Variants in NAT8L observed in about 807,000 individuals in gnomAD.
The protein encoded by NAT8L is N-acetylaspartate synthetase.
A neutral mutation model predicts 21.2 loss-of-function variants in NAT8L; 6 were observed. The ratio of observed to expected loss-of-function variants is 0.28; its 90% CI spans 0.16 to 0.56. NAT8L has a LOEUF of 0.56. Ranked by LOEUF, NAT8L falls within the 20% of genes least tolerant of loss-of-function variation. The pLI, the probability that NAT8L is intolerant of heterozygous loss-of-function variation, is 0.93. For missense variants in NAT8L, 331 were observed against 433.3 expected (o/e 0.76, Z 2.10); for synonymous variants, 239 against 204.9 (o/e 1.17, Z -1.42).
At position 2,064,134 on chromosome 4, in the gene NAT8L, C is replaced by A. The variant is rs1364544377; in HGVS notation, c.*7C>A. On this transcript the variant is annotated 3_prime_UTR_variant, in exon 3 of 3. Transcript: ENST00000423729. ...GCAGCTGCGCGAGGAGTGACCGCCG[C>A]CGCTCGCCCGCCCGCCCCCCCGGCC... is the stretch of plus-strand genomic sequence containing the variant. 6.5e-7 allele frequency: 1 copy of A among 1,536,544 alleles called. No individual in the cohort carries two copies. The highest frequency in any genetic ancestry group is 1.4e-5 in the African/African-American group (1 of 72,780).
chr4:2,063,715 C>T, intron 2 of NAT8L, 45 bp from the exon 3 acceptor site: 1 of 1,604,636 alleles, frequency 6.2e-7, no homozygotes, highest in Non-Finnish European at 8.5e-7. Context: ...AGGGGTCTCC[C>T]CAGCCTTCCT....
In NAT8L at chr4:2,067,747, GT is replaced by G. The variant is rs755957067; in HGVS notation, c.*3622del. The G allele has an allele frequency of 3.9e-5, 6 of 152,296 alleles. No homozygotes were observed. The highest frequency in any genetic ancestry group is 8.8e-5 in the Non-Finnish European group (6 of 68,058). 9.4% of individuals were successfully genotyped at this position (152,296 alleles called of 1,614,324 possible). ...TCAGTGCCCGAGGGACGGTGGGACA[GT>G]TGCCCCTGCGCCAAGGGAGCCCACT... On this transcript the variant is annotated 3_prime_UTR_variant, in exon 3 of 3. Transcript: ENST00000423729.
chr4:2,061,137 C>G lies in NAT8L; in HGVS notation c.516C>G (p.Ile172Met). 2 of 1,611,390 alleles carry G rather than the reference C, an allele frequency of 1.2e-6. No homozygotes were observed. Among genetic ancestry groups the G allele is most frequent in the South Asian group, 2.2e-5 (2 of 91,048 alleles). Residue 172 changes from isoleucine to methionine, a missense_variant, in exon 2 of 3, where the codon ATC becomes ATG. Ile to Met is a conservative substitution (Grantham distance 10). Coordinates refer to ENST00000423729, the MANE Select transcript of NAT8L (RefSeq NM_178557.4). ...ECALHTDMAD[I>M]EQYYMKPPGS... Reference sequence around the variant, plus strand: ...CGCTGCACACGGACATGGCGGACATCGAGCAGTACTACATGAAGCCGCCCG... The same window carrying G: ...CGCTGCACACGGACATGGCGGACATGGAGCAGTACTACATGAAGCCGCCCG...
intron 2 of NAT8L, among the ~76,000 whole-genome samples, 191 bp from the exon 3 acceptor site, chr4:2,063,569 G>T (rs568936300): frequency 6.6e-6 from 1 of 152,320 alleles, no homozygotes; most frequent in East Asian, 1.9e-4. Context: ...CCTGAATAGT[G>T]GCTGCCCCCT....
Position 2,064,036 on chromosome 4 carries a change from A to G in NAT8L, c.818A>G (p.Tyr273Cys), listed in dbSNP as rs1729943497. Residue 273 changes from tyrosine to cysteine, a missense_variant, in exon 3 of 3, where the codon TAC becomes TGC. Physicochemically the swap from Tyr to Cys is radical, Grantham distance 194 (BLOSUM62 -2). Around this residue, in one of 2 missense-constraint regions of NAT8L, gnomAD observed 132 missense variants for 237.1 expected, o/e 0.56. Transcript: ENST00000423729. ...GFRHMGASDH[Y>C]VLPGMTLSLA... Reference sequence around the variant, plus strand: ...AGACACATGGGCGCCAGTGACCACTACGTGCTGCCGGGCATGACCCTCTCG... The same window carrying G: ...AGACACATGGGCGCCAGTGACCACTGCGTGCTGCCGGGCATGACCCTCTCG... The G allele has an allele frequency of 3.7e-6, 6 of 1,611,412 alleles. No homozygotes were observed. Among genetic ancestry groups the G allele is most frequent in the East Asian group, 2.2e-5 (1 of 44,860 alleles).
rs1730012261 is a variant in NAT8L, at chr4:2,066,784, G to A, written c.*2657G>A. On this transcript the variant is annotated 3_prime_UTR_variant, in exon 3 of 3. Coordinates refer to ENST00000423729, the MANE Select transcript of NAT8L (RefSeq NM_178557.4). ...CTCAAACTCTGCGTGGTGAGGCCCG[G>A]GGAAAGCCAGGCCGGGCCCTAGCAC... is the stretch of plus-strand genomic sequence containing the variant. The A allele has an allele frequency of 2.6e-5, 4 of 152,290 alleles. No homozygotes were observed. The highest frequency in any genetic ancestry group is 1.5e-5 in the Non-Finnish European group (1 of 68,076). The allele number at this position is 152,290 out of a possible 1,614,324, so 9.4% of individuals were successfully genotyped here. A position where few individuals can be genotyped will look rare whatever the true frequency, so the allele number is the denominator to read the frequency against.
chr4:2,059,577 G>A lies in NAT8L; in HGVS notation c.66G>A (p.Ala22=). 1 of 990,140 alleles carries A rather than the reference G, an allele frequency of 1.0e-6. No homozygotes were observed. Among genetic ancestry groups the A allele is most frequent in the East Asian group, 1.2e-4 (1 of 8,644 alleles). The allele number at this position is 990,140 out of a possible 1,614,324, so 61.3% of individuals were successfully genotyped here. A position where few individuals can be genotyped will look rare whatever the true frequency, so the allele number is the denominator to read the frequency against. The change falls in exon 1 of 3, where the codon GCG becomes GCA. Residue 22 remains alanine, a synonymous_variant. Coordinates refer to ENST00000423729, the MANE Select transcript of NAT8L (RefSeq NM_178557.4). This position sits in a 1 kb window ranked among gnomAD's most constrained non-coding sequence, Gnocchi z 4.8. ...TCGTGGCCGCCGAGGACCATGAGGC[G>A]CTGCCGGGGGCCAAGAAGGACGCGC... ...TKIVAAEDHE[A]LPGAKKDALL... is the part of the protein sequence containing the mutation.
chr4:2,059,558 C>T lies in NAT8L; in HGVS notation c.47C>T (p.Ala16Val). 1.0e-6 allele frequency: 1 copy of T among 1,000,274 alleles called. No individual in the cohort carries two copies. The highest frequency in any genetic ancestry group is 1.2e-6 in the Non-Finnish European group (1 of 838,422). The allele number at this position is 1,000,274 out of a possible 1,614,324, so 62.0% of individuals were successfully genotyped here. Residue 16 changes from alanine (A) to valine (V), a missense_variant, in exon 1 of 3, where the codon GCC becomes GTC. By Grantham distance (64) the Ala-to-Val change is moderately conservative (BLOSUM62 0). Transcript: ENST00000423729. The surrounding 1 kb of genome is among the most constrained non-coding windows in gnomAD (Gnocchi z 4.8). ...ATGGTCTGCGAGACGAAGATCGTGG[C>T]CGCCGAGGACCATGAGGCGCTGCCG... Reference protein sequence around the residue: ...PDMVCETKIVAAEDHEALPGA... With the variant: ...PDMVCETKIVVAEDHEALPGA...
In NAT8L at chr4:2,059,823, T is replaced by C. The variant is rs1286162459; in HGVS notation, c.312T>C (p.Pro104=). ...IFYDGIMERI[P]NTAFRGLRQH... ...ACGACGGCATCATGGAGCGCATCCC[T>C]AACACGGCCTTCCGCGGCCTGCGGC... Residue 104 remains proline, a synonymous_variant, in exon 1 of 3, where the codon CCT becomes CCC. Coordinates refer to ENST00000423729, the MANE Select transcript of NAT8L (RefSeq NM_178557.4). The surrounding 1 kb of genome is among the most constrained non-coding windows in gnomAD (Gnocchi z 4.8). The C allele has an allele frequency of 8.6e-6, 12 of 1,388,218 alleles. No homozygotes were observed. Among genetic ancestry groups the C allele is most frequent in the African/African-American group, 4.6e-5 (3 of 65,450 alleles). 86.0% of individuals were successfully genotyped at this position (1,388,218 alleles called of 1,614,324 possible).
intron 2 of NAT8L, among the ~76,000 whole-genome samples, chr4:2,063,253 G>A (rs1167904934): frequency 2.0e-5 from 3 of 152,286 alleles, no homozygotes; most frequent in South Asian, 2.1e-4. Flanking sequence ...GGAGTTTGCC[G>A]TGATGGCCCG....
rs1398348511 is a variant in NAT8L, at chr4:2,065,786, C to T, written c.*1659C>T. On this transcript the variant is annotated 3_prime_UTR_variant, in exon 3 of 3. Transcript: ENST00000423729. Reference sequence around the variant, plus strand: ...CCTGTACATTCCTCCCTGGAGGTGCCCGGTCCCCGCTTGGGGATGGGAGTT... The same window carrying T: ...CCTGTACATTCCTCCCTGGAGGTGCTCGGTCCCCGCTTGGGGATGGGAGTT... 3.3e-5 allele frequency: 5 copies of T among 152,562 alleles called. No homozygotes were observed. 9.5% of individuals were successfully genotyped at this position (152,562 alleles called of 1,614,324 possible). A position where few individuals can be genotyped will look rare whatever the true frequency, so the allele number is the denominator to read the frequency against.
At position 2,068,203 on chromosome 4, in the gene NAT8L, ATGT is replaced by A. The variant is rs928077442; in HGVS notation, c.*4080_*4082del. 2.6e-5 allele frequency: 4 copies of A among 152,146 alleles called. No individual in the cohort carries two copies. The highest frequency in any genetic ancestry group is 1.3e-4 in the Admixed American group (2 of 15,284). The allele number at this position is 152,146 out of a possible 1,614,324, so 9.4% of individuals were successfully genotyped here. A position where few individuals can be genotyped will look rare whatever the true frequency, so the allele number is the denominator to read the frequency against. On this transcript the variant is annotated 3_prime_UTR_variant, in exon 3 of 3. Transcript: ENST00000423729. ...TGCATGTGTGAGCCTGTGCACGTGCATGTTGTAGGTGCATAAGCATGTACACGC... is the reference window on the plus strand; with the variant it reads ...TGCATGTGTGAGCCTGTGCACGTGCATGTAGGTGCATAAGCATGTACACGC...
rs1729988630 is a variant in NAT8L, at chr4:2,065,905, A to G, written c.*1778A>G. ...GACAGACGTAAAGTGTTTTAGCAAA[A>G]TGGAAACAAACAGTTGTGCCTTTTT... On this transcript the variant is annotated 3_prime_UTR_variant, in exon 3 of 3. Coordinates refer to ENST00000423729, the MANE Select transcript of NAT8L (RefSeq NM_178557.4). 1 of 152,610 alleles carries G rather than the reference A, an allele frequency of 6.6e-6. No individual in the cohort carries two copies. The highest frequency in any genetic ancestry group is 1.5e-5 in the Non-Finnish European group (1 of 68,068). The allele number at this position is 152,610 out of a possible 1,614,324, so 9.5% of individuals were successfully genotyped here. A position where few individuals can be genotyped will look rare whatever the true frequency, so the allele number is the denominator to read the frequency against.
rs1160765323 is a variant in NAT8L at position 2,060,038 on chromosome 4, G to T, written c.376+151G>T. ...CCGCGCCGGGCCCCGCGCAGGGCTG[G>T]CTATGGGCGTGGGGATGGGCGCAGG... On this transcript the variant is annotated intron_variant, in intron 1 of 2. Coordinates refer to ENST00000423729, the MANE Select transcript of NAT8L (RefSeq NM_178557.4). This position sits in a 1 kb window ranked among gnomAD's most constrained non-coding sequence, Gnocchi z 4.7. 6.6e-6 allele frequency among the ~76,000 whole-genome samples: 1 copy of T among 151,518 alleles called. No individual in the cohort carries two copies. The highest frequency in any genetic ancestry group is 2.1e-4 in the South Asian group (1 of 4,822).
At chr4:2,063,505 T>C (rs1729931383) in intron 2 of NAT8L, among the ~76,000 whole-genome samples, 1 of 152,236 alleles carries the variant, frequency 6.6e-6, no homozygotes, top group Non-Finnish European at 1.5e-5. Flanking sequence ...GTAACAGGTG[T>C]TGGGCTGGCT....
Position 2,064,872 on chromosome 4 carries a change from G to A in NAT8L, c.*745G>A, listed in dbSNP as rs1177164374. 6.6e-6 allele frequency: 1 copy of A among 152,576 alleles called. No individual in the cohort carries two copies. Among genetic ancestry groups the A allele is most frequent in the Non-Finnish European group, 1.5e-5 (1 of 68,138 alleles). The allele number at this position is 152,576 out of a possible 1,614,324, so 9.5% of individuals were successfully genotyped here. Reference sequence around the variant, plus strand: ...CCCAGGTGACTCCCATGGCGTCCGTGGCACAGCCAGGGTGGGGGTCCATGG... The same window carrying A: ...CCCAGGTGACTCCCATGGCGTCCGTAGCACAGCCAGGGTGGGGGTCCATGG... On this transcript the variant is annotated 3_prime_UTR_variant, in exon 3 of 3. Coordinates refer to ENST00000423729, the MANE Select transcript of NAT8L (RefSeq NM_178557.4).
chr4:2,062,533 G>C (rs1041354941), intron 2 of NAT8L, among the ~76,000 whole-genome samples: 4 of 152,150 alleles, frequency 2.6e-5, no homozygotes, highest in African/African-American at 7.2e-5. Flanking sequence ...AGGAGGGGCA[G>C]CCCTCCTGGG....
chr4:2,064,229 G>C lies in NAT8L; in HGVS notation c.*102G>C. The C allele has an allele frequency of 2.4e-6, 2 of 822,160 alleles. No homozygotes were observed. The highest frequency in any genetic ancestry group is 3.1e-6 in the Non-Finnish European group (2 of 640,210). 50.9% of individuals were successfully genotyped at this position (822,160 alleles called of 1,614,324 possible). On this transcript the variant is annotated 3_prime_UTR_variant, in exon 3 of 3. Transcript: ENST00000423729. Reference sequence around the variant, plus strand: ...GCTTTCAGACGCTCAATTGGCGTTTGTGTTGGGTTTCCCCTTTTCAACATC... The same window carrying C: ...GCTTTCAGACGCTCAATTGGCGTTTCTGTTGGGTTTCCCCTTTTCAACATC...
chr4:2,060,881 C>A lies in NAT8L; in HGVS notation c.377-117C>A. 2.1e-6 allele frequency: 1 copy of A among 486,194 alleles called. No homozygotes were observed. Among genetic ancestry groups the A allele is most frequent in the Non-Finnish European group, 3.5e-6 (1 of 282,538 alleles). The allele number at this position is 486,194 out of a possible 1,614,324, so 30.1% of individuals were successfully genotyped here. A position where few individuals can be genotyped will look rare whatever the true frequency, so the allele number is the denominator to read the frequency against. ...AAGTAGAAAGCACCCGAGATGACCC[C>A]GGCTCCTCCACCAGGAGCGCGGCCG... On this transcript the variant is annotated intron_variant, in intron 1 of 2. Coordinates refer to ENST00000423729, the MANE Select transcript of NAT8L (RefSeq NM_178557.4). The surrounding 1 kb of genome is among the most constrained non-coding windows in gnomAD (Gnocchi z 4.7).
Sources: allele counts gnomAD v4.1 joint callset (sites outside exome capture counted in the v4.1 genomes callset), GRCh38; gene constraint gnomAD v4.1.1; regional missense constraint gnomAD v4.1.1; non-coding constraint Gnocchi (gnomAD v3.1); transcripts MANE v1.5; gene names NCBI Gene and HGNC (gene_info 2026-07-23, HGNC 2026-07-21).